The following PEF1 variants were observed in gnomAD, a reference collection of about 807,000 sequenced individuals.
PEF1 encodes penta-EF-hand domain containing 1, also known as peflin.
PEF1 carries 17 observed loss-of-function variants against 32.0 expected under a neutral mutation model. The ratio of observed to expected loss-of-function variants is 0.53; its 90% CI spans 0.36 to 0.80. The LOEUF (loss-of-function observed/expected upper bound fraction) is 0.80, where lower values mean the gene tolerates loss of function less well. Among genes scored for constraint, PEF1 ranks in the 30% least tolerant of loss-of-function variants. PEF1 has a pLI of 0.00. For synonymous variants in PEF1, 130 were observed against 139.8 expected (o/e 0.93, Z 0.50); for missense variants, 362 against 369.1 (o/e 0.98, Z 0.16).
Position 31,635,429 on chromosome 1 carries a change from G to A in PEF1, c.118C>T (p.Leu40=), listed in dbSNP as rs750790106. 2 of 1,611,818 alleles carry A rather than the reference G, an allele frequency of 1.2e-6. No homozygotes were observed. The highest frequency in any genetic ancestry group is 1.1e-5 in the South Asian group (1 of 90,844). The part of the protein sequence containing the change: ...PNSGGQYGSG[L]PPGGGYGGPA... The stretch of plus-strand genomic sequence containing the variant: ...CCCCCATAACCACCACCAGGGGGTA[G>A]CCCACTACCATACTGCCCTCCACTA... Residue 40 remains leucine, a synonymous_variant, in exon 2 of 5, where the codon CTA becomes TTA. Transcript: ENST00000373703.
intron 1 of PEF1, 110 bp from the exon 2 acceptor site, chr1:31,635,632 T>C (rs1640236446): frequency 1.8e-6 from 2 of 1,102,328 alleles, no homozygotes; most frequent in Admixed American, 3.5e-5. Context: ...ACTGATCCTA[T>C]AGGTAGGGTT....
chr1:31,633,080 C>A, intron 3 of PEF1, 79 bp downstream of exon 3: 2 of 1,484,018 alleles, frequency 1.3e-6, no homozygotes, highest in Non-Finnish European at 1.8e-6. Flanking sequence ...AGAATGTCCA[C>A]CCACCCACCT....
chr1:31,630,508 T>A lies in PEF1; in HGVS notation c.*105A>T. 1.7e-6 allele frequency: 2 copies of A among 1,144,394 alleles called. No homozygotes were observed. The highest frequency in any genetic ancestry group is 2.9e-5 in the South Asian group (2 of 69,974). 70.9% of individuals were successfully genotyped at this position (1,144,394 alleles called of 1,614,324 possible). ...CAGTGTTGCATCAAGCAAGGGAGAATGTTCTTCTAGAGGGACAGGAAAAGA... is the reference window on the plus strand; with the variant it reads ...CAGTGTTGCATCAAGCAAGGGAGAAAGTTCTTCTAGAGGGACAGGAAAAGA... On this transcript the variant is annotated 3_prime_UTR_variant, in exon 5 of 5. Coordinates refer to ENST00000373703, the MANE Select transcript of PEF1 (RefSeq NM_012392.4).
Position 31,644,865 on chromosome 1 carries a change from G to C in PEF1, c.-1C>G, listed in dbSNP as rs55959462. ...CCTGCCGGTAAGGATAGCTGGCCATGGTGATTCTGACGTCACACTCAGGCA... is the reference window on the plus strand; with the variant it reads ...CCTGCCGGTAAGGATAGCTGGCCATCGTGATTCTGACGTCACACTCAGGCA... On this transcript the variant is annotated 5_prime_UTR_variant, in exon 1 of 5. Coordinates refer to ENST00000373703, the MANE Select transcript of PEF1 (RefSeq NM_012392.4). The C allele has an allele frequency of 4.3e-3, 6,940 of 1,613,784 alleles. 221 individuals carry two copies. The African/African-American group carries it at 0.079, about 18-fold the overall frequency.
intron 1 of PEF1, 33 bp downstream of exon 1, chr1:31,644,808 C>T: frequency 6.2e-7 from 1 of 1,613,736 alleles, no homozygotes; most frequent in Non-Finnish European, 8.5e-7. Flanking sequence ...GGCACCGCCG[C>T]TACCTGGATT....
chr1:31,632,494 C>A lies in PEF1; in HGVS notation c.625+1G>T. The stretch of plus-strand genomic sequence containing the variant: ...CATCGTGCCCCGGCCATGACCCGCA[C>A]CTTGCTGCAGCTCTGTGTAGCTAAT... On this transcript the variant is annotated splice_donor_variant, in intron 4 of 4. Transcript: ENST00000373703. LOFTEE classifies it high-confidence loss of function. 6.2e-7 allele frequency: 1 copy of A among 1,614,246 alleles called. No homozygotes were observed. Among genetic ancestry groups the A allele is most frequent in the Non-Finnish European group, 8.5e-7 (1 of 1,180,038 alleles).
chr1:31,630,312 C>G lies in PEF1; in HGVS notation c.*301G>C. 1 of 416,326 alleles carries G rather than the reference C, an allele frequency of 2.4e-6. No individual in the cohort carries two copies. The highest frequency in any genetic ancestry group is 4.5e-6 in the Non-Finnish European group (1 of 221,836). 25.8% of individuals were successfully genotyped at this position (416,326 alleles called of 1,614,324 possible). The stretch of plus-strand genomic sequence containing the variant: ...TGGAGCTCAGCTGACTGGACACTAA[C>G]TCCATTACAAGGACCTGCTCCTGGT... On this transcript the variant is annotated 3_prime_UTR_variant, in exon 5 of 5. Transcript: ENST00000373703.
chr1:31,632,864 T>C (rs1026464277), intron 3 of PEF1, among the ~76,000 whole-genome samples: 3 of 152,150 alleles, frequency 2.0e-5, no homozygotes, highest in Non-Finnish European at 2.9e-5. Context: ...CTGCATTTTC[T>C]CTGCAGGCTT....
intron 1 of PEF1, chr1:31,644,456 A>G (rs769373896): frequency 1.6e-5 from 18 of 1,140,282 alleles, no homozygotes; most frequent in Non-Finnish European, 1.9e-5. Context: ...CTGGATTTTT[A>G]TCCGACGCCC....
chr1:31,642,969 G>A (rs1483613812), intron 1 of PEF1, among the ~76,000 whole-genome samples: 1 of 152,196 alleles, frequency 6.6e-6, no homozygotes, highest in Non-Finnish European at 1.5e-5. Context: ...CTGCTTTTAG[G>A]ATGCACACCA....
intron 1 of PEF1, among the ~76,000 whole-genome samples, chr1:31,640,959 A>C (rs1307278534): frequency 6.6e-6 from 1 of 152,196 alleles, no homozygotes; most frequent in African/African-American, 2.4e-5. Context: ...TAAGGGGTTA[A>C]ACAATCACAG....
At chr1:31,644,811 C>A in intron 1 of PEF1, 30 bp downstream of exon 1, 1 of 1,613,798 alleles carries the variant, frequency 6.2e-7, no homozygotes, top group Non-Finnish European at 8.5e-7. Context: ...ACCGCCGCTA[C>A]CTGGATTCGC....
chr1:31,640,708 C>T (rs1186059909), intron 1 of PEF1, among the ~76,000 whole-genome samples: 1 of 152,162 alleles, frequency 6.6e-6, no homozygotes, highest in African/African-American at 2.4e-5. Context: ...CCTGCACTTG[C>T]GCAAGCAGTA....
intron 2 of PEF1, among the ~76,000 whole-genome samples, chr1:31,634,395 T>C (rs1640200962): frequency 6.6e-6 from 1 of 152,212 alleles, no homozygotes; most frequent in African/African-American, 2.4e-5. Flanking sequence ...TTCTGAGTAA[T>C]GATTTTCACA....
chr1:31,633,455 C>CCTG, intron 2 of PEF1, 141 bp from the exon 3 acceptor site: 1 of 926,238 alleles, frequency 1.1e-6, no homozygotes, highest in Non-Finnish European at 1.6e-6. Context: ...CATTCTTACT[C>CCTG]TGATGGAAGA....
In PEF1 at chr1:31,630,248, C is replaced by T. The variant is rs1001250792; in HGVS notation, c.*365G>A. On this transcript the variant is annotated 3_prime_UTR_variant, in exon 5 of 5. Coordinates refer to ENST00000373703, the MANE Select transcript of PEF1 (RefSeq NM_012392.4). ...CCTGGTGAGGGAACACAGGTACTAA[C>T]GGTAACAGGCCGATGAACACTCACC... 4 of 301,220 alleles carry T rather than the reference C, an allele frequency of 1.3e-5. No individual in the cohort carries two copies. The highest frequency in any genetic ancestry group is 2.1e-5 in the African/African-American group (1 of 46,838). 18.7% of individuals were successfully genotyped at this position (301,220 alleles called of 1,614,324 possible).
chr1:31,630,765 T>G lies in PEF1; in HGVS notation c.703A>C (p.Asn235His). The change falls in exon 5 of 5, where the codon AAT becomes CAT. Residue 235 changes from asparagine (N) to histidine (H), a missense_variant. By Grantham distance (68) the Asn-to-His change is moderately conservative. Coordinates refer to ENST00000373703, the MANE Select transcript of PEF1 (RefSeq NM_012392.4). Reference protein sequence around the residue: ...LVSRYCPRSANPAMQLDRFIQ... With the variant: ...LVSRYCPRSAHPAMQLDRFIQ... Reference sequence around the variant, plus strand: ...AAGCGGTCAAGCTGCATGGCAGGATTGGCAGAGCGTGGGCAGTAGCGGGAG... The same window carrying G: ...AAGCGGTCAAGCTGCATGGCAGGATGGGCAGAGCGTGGGCAGTAGCGGGAG... 1 of 1,614,060 alleles carries G rather than the reference T, an allele frequency of 6.2e-7. No homozygotes were observed. Among genetic ancestry groups the G allele is most frequent in the Non-Finnish European group, 8.5e-7 (1 of 1,180,040 alleles).
At chr1:31,632,733 C>T (rs1317181307) in intron 3 of PEF1, 95 bp from the exon 4 acceptor site, 4 of 1,428,480 alleles carry the variant, frequency 2.8e-6, no homozygotes, top group South Asian at 2.7e-5. Flanking sequence ...TCTCTCCAGG[C>T]TGGAGTAGGC....
chr1:31,635,338 C>T lies in PEF1; in HGVS notation c.209G>A (p.Gly70Glu). The T allele has an allele frequency of 6.2e-7, 1 of 1,614,048 alleles. No homozygotes were observed. The highest frequency in any genetic ancestry group is 1.7e-5 in the Admixed American group (1 of 60,016). ...TCCTGGAGTTCCAGAGGGGAACATC[C>T]CAGGATTGGGGTGTCCATAGGGCCC... ...GGGPYGHPNP[G>E]MFPSGTPGGP... The change falls in exon 2 of 5, where the codon GGG becomes GAG. Residue 70 changes from glycine (G) to glutamate (E), a missense_variant. Gly to Glu is a moderately conservative substitution (Grantham distance 98). Transcript: ENST00000373703.
Sources: gnomAD v4.1 joint callset for allele counts (sites outside exome capture counted in the v4.1 genomes callset) on GRCh38, gnomAD v4.1.1 for gene constraint, MANE v1.5 for transcripts, NCBI Gene and HGNC (gene_info 2026-07-23, HGNC 2026-07-21) for gene names.